The following MEGF11 variants were observed in gnomAD, a reference collection of about 807,000 sequenced individuals.
MEGF11 encodes the protein multiple epidermal growth factor-like domains protein 11.
In MEGF11, 126 loss-of-function variants were observed where a neutral mutation model predicts 146.6. That is an observed-to-expected ratio of 0.86 (90% confidence interval 0.74 to 1.00). MEGF11 has a LOEUF of 1.00. Ranked by LOEUF, MEGF11 falls within the 50% of genes least tolerant of loss-of-function variation. MEGF11 has a pLI of 0.00. For synonymous variants in MEGF11, 532 were observed against 583.4 expected, an observed-to-expected ratio of 0.91 and a Z score of 1.27; for missense variants, 1,509 against 1,521.2, an observed-to-expected ratio of 0.99 and a Z score of 0.13.
At chr15:66,059,394 C>A (rs2084809047) in intron 5 of MEGF11, among the ~76,000 whole-genome samples, 1 of 152,204 alleles carries the variant, frequency 6.6e-6, no homozygotes, top group African/African-American at 2.4e-5. Flanking sequence ...TCAGCAGGTC[C>A]TCATTCGGCT....
intron 10 of MEGF11, among the ~76,000 whole-genome samples, chr15:65,948,415 C>T (rs1267045025): frequency 6.6e-6 from 1 of 152,170 alleles, no homozygotes; most frequent in African/African-American, 2.4e-5. Flanking sequence ...GCGTTACACC[C>T]TGCATCTCGC....
intron 1 of MEGF11, among the ~76,000 whole-genome samples, chr15:66,199,319 A>G (rs1425526401): frequency 6.6e-6 from 1 of 152,164 alleles, no homozygotes; most frequent in Non-Finnish European, 1.5e-5. Context: ...GCCATAGCTG[A>G]AAATCTCCCC....
intron 10 of MEGF11, among the ~76,000 whole-genome samples, chr15:65,952,457 C>T (rs149474315): frequency 1.3e-5 from 2 of 152,260 alleles, no homozygotes; most frequent in East Asian, 3.9e-4. Flanking sequence ...GTCCTCACCT[C>T]CTGGATAGGA....
chr15:65,909,000 C>T, intron 23 of MEGF11, 34 bp downstream of exon 23: 1 of 1,387,374 alleles, frequency 7.2e-7, no homozygotes, highest in Non-Finnish European at 9.9e-7. Context: ...TCTGGTCTGG[C>T]ATGAGGGGGT....
rs2081662582 is a variant in MEGF11 at position 65,982,151 on chromosome 15, C to T, written c.641+91G>A. On this transcript the variant is annotated intron_variant, in intron 6 of 25. Coordinates refer to ENST00000395614, the MANE Select transcript of MEGF11 (RefSeq NM_001385028.1). This position sits in a 1 kb window ranked among gnomAD's most constrained non-coding sequence, Gnocchi z 5.6. ...GCAGCCACTCCAGGCCCCGCCCCAG[C>T]CCCTCCACCTCCTCTACCCTCCCCA... 2 of 1,279,266 alleles carry T rather than the reference C, an allele frequency of 1.6e-6. No homozygotes were observed. The highest frequency in any genetic ancestry group is 1.6e-5 in the African/African-American group (1 of 64,288). The allele number at this position is 1,279,266 out of a possible 1,614,324, so 79.2% of individuals were successfully genotyped here. A position where few individuals can be genotyped will look rare whatever the true frequency, so the allele number is the denominator to read the frequency against.
chr15:66,232,344 C>A (rs2091984909), intron 1 of MEGF11, among the ~76,000 whole-genome samples: 1 of 152,330 alleles, frequency 6.6e-6, no homozygotes, highest in South Asian at 2.1e-4. Context: ...CCTTAGGAGG[C>A]TTTTACCTAC....
At position 65,980,788 on chromosome 15, in the gene MEGF11, G is replaced by T. The variant is rs779551280; in HGVS notation, c.752C>A (p.Pro251Gln). Residue 251 changes from proline (P) to glutamine (Q), a missense_variant, in exon 7 of 26, where the codon CCA becomes CAA. Coordinates refer to ENST00000395614, the MANE Select transcript of MEGF11 (RefSeq NM_001385028.1). Reference sequence around the variant, plus strand: ...TTTGGGCCCACTTACCGTCCAGCCTGGGGGGCAGGCACACTCGCCAGTGAT... The same window carrying T: ...TTTGGGCCCACTTACCGTCCAGCCTTGGGGGCAGGCACACTCGCCAGTGAT... ...HHITGECACP[P>Q]GWTGAVCAQP... is the part of the protein sequence containing the mutation. 6.2e-7 allele frequency: 1 copy of T among 1,603,986 alleles called. No individual in the cohort carries two copies. Among genetic ancestry groups the T allele is most frequent in the Non-Finnish European group, 8.5e-7 (1 of 1,175,450 alleles).
At chr15:66,020,807 A>C (rs559307572) in intron 5 of MEGF11, among the ~76,000 whole-genome samples, 47 of 152,064 alleles carry the variant, frequency 3.1e-4, no homozygotes, top group Non-Finnish European at 6.0e-4. Context: ...CTTGGCTAAC[A>C]CAGTGAAACC....
intron 10 of MEGF11, among the ~76,000 whole-genome samples, chr15:65,954,918 C>T (rs1419189245): frequency 3.9e-5 from 6 of 152,158 alleles, no homozygotes; most frequent in Non-Finnish European, 8.8e-5. Flanking sequence ...TGTATATGAC[C>T]AGACCGTAAA....
rs562252030 is a variant in MEGF11, at chr15:66,187,951, G to A, written c.-8-59540C>T. ...ATGTTGAGGGATAAAGGGGTATCTC[G>A]TCTGCAACTATCAAGCAGTTCAAGT... is the stretch of plus-strand genomic sequence containing the variant. On this transcript the variant is annotated intron_variant, in intron 1 of 25. Coordinates refer to ENST00000395614, the MANE Select transcript of MEGF11 (RefSeq NM_001385028.1). 6.4e-4 allele frequency among the ~76,000 whole-genome samples: 97 copies of A among 152,288 alleles called. 1 individual carries two copies. Among genetic ancestry groups the A allele is most frequent in the African/African-American group, 2.0e-3 (84 of 41,548 alleles).
intron 5 of MEGF11, among the ~76,000 whole-genome samples, chr15:66,038,856 C>G (rs2083832416): frequency 6.6e-6 from 1 of 152,140 alleles, no homozygotes; most frequent in Non-Finnish European, 1.5e-5. Context: ...GCACCTGGAT[C>G]CAAAGCAGGA....
intron 1 of MEGF11, among the ~76,000 whole-genome samples, chr15:66,250,548 T>C (rs2092356063): frequency 6.6e-6 from 1 of 152,246 alleles, no homozygotes; most frequent in Non-Finnish European, 1.5e-5. Flanking sequence ...AGTAACTATT[T>C]GCTGACTACG....
chr15:66,166,949 G>C (rs1425050202), intron 1 of MEGF11, among the ~76,000 whole-genome samples: 1 of 152,156 alleles, frequency 6.6e-6, no homozygotes, highest in Admixed American at 6.5e-5. Flanking sequence ...TGCCCCTCAG[G>C]ATGTGCCTTT....
At chr15:65,947,930 T>A (rs981155645) in intron 10 of MEGF11, among the ~76,000 whole-genome samples, 2 of 152,224 alleles carry the variant, frequency 1.3e-5, no homozygotes, top group Non-Finnish European at 2.9e-5. Context: ...GAGGGTGGTC[T>A]GAGATGGCAA....
intron 5 of MEGF11, among the ~76,000 whole-genome samples, chr15:66,061,920 C>T (rs541341870): frequency 2.0e-5 from 3 of 152,320 alleles, no homozygotes; most frequent in South Asian, 4.1e-4. Context: ...TAGGTGCACA[C>T]CACCACACTT....
chr15:66,073,662 G>C (rs1294512858), intron 5 of MEGF11, among the ~76,000 whole-genome samples: 1 of 152,174 alleles, frequency 6.6e-6, no homozygotes, highest in Non-Finnish European at 1.5e-5. Flanking sequence ...GGTGAACTTG[G>C]GCTCCTCTTT....
chr15:66,156,975 C>G (rs953455369), intron 1 of MEGF11, among the ~76,000 whole-genome samples: 9 of 152,284 alleles, frequency 5.9e-5, no homozygotes, highest in African/African-American at 1.9e-4. Context: ...AGCCACCCAC[C>G]AAAGCTCTCT....
At chr15:66,172,546 T>C (rs926702540) in intron 1 of MEGF11, among the ~76,000 whole-genome samples, 13 of 152,156 alleles carry the variant, frequency 8.5e-5, no homozygotes, top group African/African-American at 3.1e-4. Context: ...GCCTGTGTCA[T>C]GAAGATCACA....
intron 5 of MEGF11, among the ~76,000 whole-genome samples, chr15:66,067,604 T>C (rs2085189165): frequency 6.6e-6 from 1 of 152,238 alleles, no homozygotes; most frequent in Non-Finnish European, 1.5e-5. Context: ...CTACAACACC[T>C]GAGCCCTGGG....
Sources: gnomAD v4.1 joint callset for allele counts (sites outside exome capture counted in the v4.1 genomes callset) on GRCh38, gnomAD v4.1.1 for gene constraint, Gnocchi (gnomAD v3.1) non-coding constraint, MANE v1.5 for transcripts, NCBI Gene and HGNC (gene_info 2026-07-23, HGNC 2026-07-21) for gene names.